Variants in AGBL4 observed in about 807,000 individuals in gnomAD.
AGBL4 encodes AGBL carboxypeptidase 4.
In AGBL4, 58 loss-of-function variants were observed where a neutral mutation model predicts 66.4. The observed-to-expected ratio is 0.87, with a 90% CI of 0.71 to 1.09. The LOEUF is 1.09. AGBL4 is among the 50% of genes least tolerant of loss of function. The pLI is 0.00. For missense variants in AGBL4, 579 were observed against 631.0 expected (o/e 0.92, Z 0.88); for synonymous variants, 234 against 222.9 (o/e 1.05, Z -0.44).
intron 1 of AGBL4, among the ~76,000 whole-genome samples, chr1:49,917,866 G>GAAAC (rs1651728419): frequency 6.6e-6 from 1 of 152,142 alleles, no homozygotes; most frequent in Non-Finnish European, 1.5e-5. Flanking sequence ...CAAAACAACA[G>GAAAC]AAATTATAAC....
chr1:49,272,311 C>T (rs998252619), intron 3 of AGBL4, among the ~76,000 whole-genome samples: 7 of 152,132 alleles, frequency 4.6e-5, no homozygotes, highest in African/African-American at 1.7e-4. Context: ...AATTATTAGG[C>T]TCTAAACATG....
chr1:49,809,807 A>T (rs899801218), intron 2 of AGBL4, among the ~76,000 whole-genome samples: 2 of 152,188 alleles, frequency 1.3e-5, no homozygotes, highest in African/African-American at 4.8e-5. Flanking sequence ...CAAGGCTTCA[A>T]CCTTATCTAT....
At chr1:48,647,260 C>T (rs1645852881) in intron 8 of AGBL4, among the ~76,000 whole-genome samples, 1 of 152,200 alleles carries the variant, frequency 6.6e-6, no homozygotes, top group African/African-American at 2.4e-5. Flanking sequence ...CACCCCACCT[C>T]CACACTCCCA....
At chr1:49,137,319 T>C (rs1038616191) in intron 4 of AGBL4, among the ~76,000 whole-genome samples, 3 of 152,096 alleles carry the variant, frequency 2.0e-5, no homozygotes, top group African/African-American at 7.2e-5. Flanking sequence ...AGAAGACTGA[T>C]TGTATACGAA....
At chr1:49,111,232 G>T (rs2148020798) in intron 4 of AGBL4, among the ~76,000 whole-genome samples, 1 of 151,466 alleles carries the variant, frequency 6.6e-6, no homozygotes, top group South Asian at 2.1e-4. Context: ...TCCTGCTTCA[G>T]CCTCCCAATA....
At chr1:49,253,404 A>G (rs1365679604) in intron 3 of AGBL4, among the ~76,000 whole-genome samples, 1 of 152,182 alleles carries the variant, frequency 6.6e-6, no homozygotes, top group Non-Finnish European at 1.5e-5. Flanking sequence ...TCCCCTATGC[A>G]CATAAGCTAG....
rs1024433456 is a variant in AGBL4 at position 48,591,082 on chromosome 1, A to C, written c.952-97T>G. ...CTACACACACACACCCCCCACACAC[A>C]CCCACCCACCCCCCCCCACACACAC... On this transcript the variant is annotated intron_variant, in intron 9 of 13. Transcript: ENST00000371839. 5.9e-4 allele frequency: 426 copies of C among 718,128 alleles called. 2 individuals carry two copies. In the Admixed American group the frequency reaches 7.7e-3, roughly 13 times the overall value. The allele number at this position is 718,128 out of a possible 1,614,324, so 44.5% of individuals were successfully genotyped here.
rs148421093 is a variant in AGBL4 at position 49,930,591 on chromosome 1, C to T, written c.35-79073G>A. 9.2e-5 allele frequency among the ~76,000 whole-genome samples: 14 copies of T among 152,192 alleles called. No individual in the cohort carries two copies. The East Asian group carries it at 1.3e-3, about 15-fold the overall frequency. ...AAAACACATGATGTATCATGATTAA[C>T]TGGGATTTATATGAAGAACACAAGG... On this transcript the variant is annotated intron_variant, in intron 1 of 13. Transcript: ENST00000371839.
At chr1:49,281,828 C>T (rs1343184493) in intron 3 of AGBL4, among the ~76,000 whole-genome samples, 1 of 152,144 alleles carries the variant, frequency 6.6e-6, no homozygotes. Flanking sequence ...AGCACAGAAG[C>T]CCCAAACCCT....
intron 3 of AGBL4, among the ~76,000 whole-genome samples, chr1:49,385,691 A>G (rs1201833285): frequency 6.6e-6 from 1 of 152,082 alleles, no homozygotes; most frequent in Non-Finnish European, 1.5e-5. Context: ...CTTTAGCCTT[A>G]ATACAAAAGA....
intron 3 of AGBL4, among the ~76,000 whole-genome samples, chr1:49,582,187 A>G (rs1303038103): frequency 1.3e-5 from 2 of 152,172 alleles, no homozygotes; most frequent in Non-Finnish European, 2.9e-5. Context: ...ACTGATTGGA[A>G]GTTGACTGGG....
chr1:49,517,538 T>C (rs1344669894), intron 3 of AGBL4, among the ~76,000 whole-genome samples: 3 of 151,940 alleles, frequency 2.0e-5, no homozygotes, highest in Admixed American at 6.6e-5. Context: ...GGGTCATTTA[T>C]TCAATAAACA....
chr1:49,580,291 G>A (rs1349075725), intron 3 of AGBL4, among the ~76,000 whole-genome samples: 2 of 152,074 alleles, frequency 1.3e-5, no homozygotes, highest in African/African-American at 2.4e-5. Context: ...TCTTTTAAGT[G>A]GAGAACTTAA....
chr1:49,228,079 T>C (rs904661045), intron 4 of AGBL4, among the ~76,000 whole-genome samples: 2 of 152,230 alleles, frequency 1.3e-5, no homozygotes, highest in Admixed American at 6.5e-5. Flanking sequence ...GTATCAGTCC[T>C]GTCTTCCTTA....
Position 48,736,159 on chromosome 1 carries a change from T to A in AGBL4, c.635-72918A>T, listed in dbSNP as rs1649012176. ...ATGCAGAAGCTTCATAAGTAATCGT[T>A]GAATTGAATTGTGCCTAACACATTC... On this transcript the variant is annotated intron_variant, in intron 6 of 13. Transcript: ENST00000371839. This position sits in a 1 kb window ranked among gnomAD's most constrained non-coding sequence, Gnocchi z 4.0. 2 of 1,471,226 alleles carry A rather than the reference T, an allele frequency of 1.4e-6. No homozygotes were observed. Among genetic ancestry groups the A allele is most frequent in the African/African-American group, 1.4e-5 (1 of 71,462 alleles). The allele number at this position is 1,471,226 out of a possible 1,614,324, so 91.1% of individuals were successfully genotyped here.
intron 3 of AGBL4, among the ~76,000 whole-genome samples, chr1:49,595,151 C>T (rs190110014): frequency 3.3e-5 from 5 of 152,178 alleles, no homozygotes; most frequent in Admixed American, 6.5e-5. Flanking sequence ...TGCAGTGGCA[C>T]GATCTCGGCC....
intron 3 of AGBL4, among the ~76,000 whole-genome samples, chr1:49,393,960 C>T (rs1644903572): frequency 6.6e-6 from 1 of 152,000 alleles, no homozygotes; most frequent in Non-Finnish European, 1.5e-5. Context: ...GAATATCAAG[C>T]CAAAAAGTTG....
intron 4 of AGBL4, among the ~76,000 whole-genome samples, chr1:49,207,985 G>T (rs1648377042): frequency 6.6e-6 from 1 of 151,810 alleles, no homozygotes; most frequent in African/African-American, 2.4e-5. Flanking sequence ...TTTTACATTT[G>T]TATAATTAAT....
At chr1:48,595,825 C>T (rs1163181771) in intron 9 of AGBL4, among the ~76,000 whole-genome samples, 1 of 152,202 alleles carries the variant, frequency 6.6e-6, no homozygotes, top group Non-Finnish European at 1.5e-5. Flanking sequence ...GAGCTTGGTG[C>T]TCTGATGTGG....
Sources: gnomAD v4.1 joint callset for allele counts (sites outside exome capture counted in the v4.1 genomes callset) on GRCh38, gnomAD v4.1.1 for gene constraint, Gnocchi (gnomAD v3.1) non-coding constraint, MANE v1.5 for transcripts, NCBI Gene and HGNC (gene_info 2026-07-23, HGNC 2026-07-21) for gene names.